Variants in RFX3 observed in about 807,000 individuals in gnomAD.
The protein encoded by RFX3 is regulatory factor X3.
A neutral mutation model predicts 98.6 loss-of-function variants in RFX3; 14 were observed. The ratio of observed to expected loss-of-function variants is 0.14; its 90% CI spans 0.09 to 0.22. RFX3 has a LOEUF of 0.22. Among genes scored for constraint, RFX3 ranks in the 10% least tolerant of loss-of-function variants. The pLI, the probability that RFX3 is intolerant of heterozygous loss-of-function variation, is 1.00. For synonymous variants in RFX3, 383 were observed against 328.4 expected (o/e 1.17, Z -1.80); for missense variants, 639 against 926.9 (o/e 0.69, Z 4.03).
chr9:3,477,364 A>T (rs1849363627), intron 1 of RFX3, among the ~76,000 whole-genome samples: 1 of 152,134 alleles, frequency 6.6e-6, no homozygotes, highest in Admixed American at 6.6e-5. Context: ...TCCCTTTAAC[A>T]TTTCTTAGAG....
intron 7 of RFX3, among the ~76,000 whole-genome samples, chr9:3,283,564 G>C (rs1472651036): frequency 2.6e-5 from 4 of 151,676 alleles, no homozygotes; most frequent in Non-Finnish European, 5.9e-5. Context: ...AATGATAAAA[G>C]TTCTTAAATT....
At chr9:3,410,258 C>T (rs1842352959) in intron 1 of RFX3, among the ~76,000 whole-genome samples, 1 of 144,722 alleles carries the variant, frequency 6.9e-6, no homozygotes, top group Non-Finnish European at 1.5e-5. Flanking sequence ...TATAGGAATT[C>T]TGAACCATCT....
intron 4 of RFX3, among the ~76,000 whole-genome samples, chr9:3,326,843 T>C (rs1423518453): frequency 2.0e-5 from 3 of 152,186 alleles, no homozygotes; most frequent in Non-Finnish European, 2.9e-5. Context: ...TACCCAAACA[T>C]AGCTAGTTTT....
intron 4 of RFX3, among the ~76,000 whole-genome samples, chr9:3,305,062 T>C (rs1368233701): frequency 6.6e-6 from 1 of 151,974 alleles, no homozygotes; most frequent in African/African-American, 2.4e-5. Context: ...ACCCATGTAT[T>C]AAAAGATGGA....
chr9:3,406,126 A>C (rs551451846), intron 1 of RFX3, among the ~76,000 whole-genome samples: 1 of 151,672 alleles, frequency 6.6e-6, no homozygotes, highest in East Asian at 1.9e-4. Flanking sequence ...CTGACAGCTA[A>C]TTTTTTGGAT....
At chr9:3,402,284 A>G (rs1246365803) in intron 1 of RFX3, among the ~76,000 whole-genome samples, 1 of 152,164 alleles carries the variant, frequency 6.6e-6, no homozygotes, top group Non-Finnish European at 1.5e-5. Flanking sequence ...ATTATTTTTA[A>G]CACTGAGGAA....
At chr9:3,477,181 T>C (rs1017199561) in intron 1 of RFX3, among the ~76,000 whole-genome samples, 2 of 152,198 alleles carry the variant, frequency 1.3e-5, no homozygotes, top group Non-Finnish European at 2.9e-5. Context: ...CAATTTATAC[T>C]ATACAAAAGA....
intron 2 of RFX3, among the ~76,000 whole-genome samples, chr9:3,372,135 A>T (rs1837932438): frequency 6.6e-6 from 1 of 152,152 alleles, no homozygotes; most frequent in African/African-American, 2.4e-5. Flanking sequence ...ATTTCTTGGT[A>T]CCCTAATACC....
intron 14 of RFX3, among the ~76,000 whole-genome samples, chr9:3,249,418 T>C (rs1821097743): frequency 6.6e-6 from 1 of 152,118 alleles, no homozygotes; most frequent in South Asian, 2.1e-4. Flanking sequence ...TCCTCTTGCA[T>C]GAAAACAAAA....
intron 15 of RFX3, among the ~76,000 whole-genome samples, chr9:3,231,510 A>G (rs888303769): frequency 4.6e-5 from 7 of 152,154 alleles, no homozygotes; most frequent in South Asian, 2.1e-4. Flanking sequence ...TTCAGGAGGT[A>G]AGTAGCAGAC....
intron 4 of RFX3, among the ~76,000 whole-genome samples, chr9:3,327,279 A>G (rs1365136478): frequency 1.3e-5 from 2 of 152,206 alleles, no homozygotes; most frequent in African/African-American, 2.4e-5. Context: ...CAAGAGGCAC[A>G]TGATATGAAA....
At chr9:3,464,520 A>G (rs1848018984) in intron 1 of RFX3, among the ~76,000 whole-genome samples, 1 of 152,220 alleles carries the variant, frequency 6.6e-6, no homozygotes, top group African/African-American at 2.4e-5. Flanking sequence ...TGCAAAAACT[A>G]CATACTGCGT....
At chr9:3,310,646 A>G (rs1422646892) in intron 4 of RFX3, among the ~76,000 whole-genome samples, 1 of 152,158 alleles carries the variant, frequency 6.6e-6, no homozygotes, top group Non-Finnish European at 1.5e-5. Context: ...TAAAATAGTA[A>G]AGGTAAGGAA....
intron 15 of RFX3, among the ~76,000 whole-genome samples, chr9:3,234,177 C>T (rs1818835831): frequency 6.6e-6 from 1 of 152,154 alleles, no homozygotes; most frequent in African/African-American, 2.4e-5. Flanking sequence ...AGTGTATGGT[C>T]TAGAAGAGGG....
At chr9:3,368,879 T>G (rs1169976496) in intron 2 of RFX3, among the ~76,000 whole-genome samples, 1 of 152,222 alleles carries the variant, frequency 6.6e-6, no homozygotes, top group Non-Finnish European at 1.5e-5. Context: ...CAGTGGTAAT[T>G]CTGATGTAGA....
At chr9:3,270,782 A>G (rs1824322203) in intron 10 of RFX3, 1 of 687,710 alleles carries the variant, frequency 1.5e-6, no homozygotes, top group Admixed American at 2.9e-5. Flanking sequence ...TGAGGATGAA[A>G]TAACTACCAC....
intron 1 of RFX3, among the ~76,000 whole-genome samples, chr9:3,495,171 C>T (rs1481512742): frequency 2.7e-5 from 4 of 150,790 alleles, no homozygotes; most frequent in Non-Finnish European, 5.9e-5. Flanking sequence ...CTCAGAATAT[C>T]AAGGAAAAAA....
chr9:3,339,396 G>A (rs181664484), intron 3 of RFX3, among the ~76,000 whole-genome samples: 49 of 149,956 alleles, frequency 3.3e-4, no homozygotes, highest in Admixed American at 5.9e-4. Flanking sequence ...AAGAAAAACC[G>A]AGTAACCACA....
intron 1 of RFX3, among the ~76,000 whole-genome samples, chr9:3,397,659 T>C (rs532514340): frequency 6.6e-6 from 1 of 152,326 alleles, no homozygotes; most frequent in Admixed American, 6.5e-5. Context: ...CTGTGCTTAA[T>C]TTTCTTTCTA....
Sources: gnomAD v4.1 joint callset for allele counts (sites outside exome capture counted in the v4.1 genomes callset) on GRCh38, gnomAD v4.1.1 for gene constraint, MANE v1.5 for transcripts, NCBI Gene and HGNC (gene_info 2026-07-23, HGNC 2026-07-21) for gene names.